The following ERC2 variants were observed in gnomAD, a reference collection of about 807,000 sequenced individuals.
ERC2 encodes the protein ERC protein 2.
In ERC2, 42 loss-of-function variants were observed where a neutral mutation model predicts 114.8. The ratio of observed to expected loss-of-function variants is 0.37; its 90% CI spans 0.29 to 0.47. The LOEUF is 0.47. Among genes scored for constraint, ERC2 ranks in the 20% least tolerant of loss-of-function variants. The pLI is 0.99. For synonymous variants in ERC2, 454 were observed against 425.5 expected (o/e 1.07, Z -0.82); for missense variants, 939 against 1,150.7 (o/e 0.82, Z 2.66).
At chr3:56,347,535 C>T (rs760031652) in intron 2 of ERC2, among the ~76,000 whole-genome samples, 5 of 152,018 alleles carry the variant, frequency 3.3e-5, no homozygotes, top group Non-Finnish European at 7.4e-5. Context: ...TCTGTGGCAG[C>T]TGCTGAATCC....
intron 14 of ERC2, among the ~76,000 whole-genome samples, chr3:55,743,026 C>A (rs944796490): frequency 6.6e-6 from 1 of 152,222 alleles, no homozygotes; most frequent in Non-Finnish European, 1.5e-5. Context: ...AAAGGCCAGG[C>A]TTTGGCAGCC....
rs997071774 is a variant in ERC2, at chr3:55,719,598, A to C, written c.2712+15173T>G. On this transcript the variant is annotated intron_variant, in intron 15 of 17. Coordinates refer to ENST00000288221, the MANE Select transcript of ERC2 (RefSeq NM_015576.3). ...TTTTTCATCCATACTTGCCAAAAGCACAAAGAGGCAACTGGGACATTTGCT... is the reference window on the plus strand; with the variant it reads ...TTTTTCATCCATACTTGCCAAAAGCCCAAAGAGGCAACTGGGACATTTGCT... Among the ~76,000 whole-genome samples, 39 of 152,326 alleles carry C rather than the reference A, an allele frequency of 2.6e-4. 1 individual carries two copies. The highest frequency in any genetic ancestry group is 9.4e-4 in the African/African-American group (39 of 41,572).
At chr3:56,128,414 A>G (rs2149880388) in intron 6 of ERC2, among the ~76,000 whole-genome samples, 1 of 152,360 alleles carries the variant, frequency 6.6e-6, no homozygotes, top group East Asian at 1.9e-4. Flanking sequence ...TGGAGATCCA[A>G]TAAAAAGCTT....
chr3:55,590,577 C>T (rs566624651), intron 17 of ERC2, among the ~76,000 whole-genome samples: 5 of 152,274 alleles, frequency 3.3e-5, no homozygotes, highest in Non-Finnish European at 5.9e-5. Flanking sequence ...TAAAACTACA[C>T]GAACTGACCT....
chr3:55,904,424 A>G (rs75394870), intron 13 of ERC2, among the ~76,000 whole-genome samples: 43 of 152,362 alleles, frequency 2.8e-4, no homozygotes, highest in African/African-American at 9.9e-4. Context: ...TGTGACTTCC[A>G]AACTAAATTT....
intron 17 of ERC2, among the ~76,000 whole-genome samples, chr3:55,523,523 T>G (rs569069584): frequency 1.3e-5 from 2 of 152,302 alleles, no homozygotes; most frequent in East Asian, 3.9e-4. Context: ...CTGACTTCCC[T>G]TCCTGGTCCA....
intron 13 of ERC2, among the ~76,000 whole-genome samples, chr3:55,932,152 C>G (rs763353517): frequency 1.3e-5 from 2 of 152,094 alleles, no homozygotes; most frequent in African/African-American, 2.4e-5. Flanking sequence ...TGAAGACAGA[C>G]AGTATGTCTA....
chr3:56,028,158 T>C (rs1410585068), intron 7 of ERC2, among the ~76,000 whole-genome samples: 2 of 152,160 alleles, frequency 1.3e-5, no homozygotes, highest in African/African-American at 4.8e-5. Flanking sequence ...CATTAATCTA[T>C]ATCTCTATCC....
At chr3:55,863,677 G>A (rs1379710) in intron 14 of ERC2, among the ~76,000 whole-genome samples, 23,777 of 151,786 alleles carry the variant, frequency 0.16, 2,740 homozygotes, top group African/African-American at 0.33. Flanking sequence ...TAGAAATACA[G>A]CACAAACCAG....
intron 7 of ERC2, among the ~76,000 whole-genome samples, chr3:56,058,640 A>C: frequency 6.6e-6 from 1 of 152,158 alleles, no homozygotes; most frequent in East Asian, 1.9e-4. Flanking sequence ...TCCAATCAAA[A>C]CAAATGGCTG....
At chr3:56,196,890 A>T (rs2048140533) in intron 3 of ERC2, among the ~76,000 whole-genome samples, 1 of 152,172 alleles carries the variant, frequency 6.6e-6, no homozygotes, top group South Asian at 2.1e-4. Flanking sequence ...CCAGACTCAC[A>T]TTAGAATCCC....
chr3:56,343,364 T>A (rs1451422733), intron 2 of ERC2, among the ~76,000 whole-genome samples: 2 of 151,954 alleles, frequency 1.3e-5, no homozygotes, highest in East Asian at 3.9e-4. Context: ...AAGCACTTAA[T>A]CGATAATTAT....
intron 15 of ERC2, among the ~76,000 whole-genome samples, chr3:55,733,827 G>T (rs1408432029): frequency 6.6e-6 from 1 of 152,184 alleles, no homozygotes; most frequent in African/African-American, 2.4e-5. Flanking sequence ...CACTCCACAT[G>T]GTTACTGTGT....
intron 14 of ERC2, among the ~76,000 whole-genome samples, chr3:55,836,511 C>A (rs1158593625): frequency 6.6e-6 from 1 of 152,186 alleles, no homozygotes; most frequent in Non-Finnish European, 1.5e-5. Flanking sequence ...GGAAAGGATT[C>A]TCTATTTAAT....
chr3:55,942,077 A>G (rs1329575042), intron 13 of ERC2, among the ~76,000 whole-genome samples: 1 of 152,248 alleles, frequency 6.6e-6, no homozygotes, highest in African/African-American at 2.4e-5. Flanking sequence ...TATCAAAGGT[A>G]GTCTTACCTT....
At chr3:55,845,515 A>AAAAAAT in intron 14 of ERC2, among the ~76,000 whole-genome samples, 1 of 151,230 alleles carries the variant, frequency 6.6e-6, no homozygotes, top group Non-Finnish European at 1.5e-5. Flanking sequence ...AAAAAAAAAA[A>AAAAAAT]AAAAAAAAAA....
intron 17 of ERC2, chr3:55,659,288 C>T (rs2231383): frequency 0.11 from 16,780 of 152,166 alleles, 1,148 homozygotes; most frequent in Non-Finnish European, 0.14. Context: ...ATTATAAGCC[C>T]GTGTTGCCTC....
chr3:55,668,724 A>G (rs2061447910), intron 17 of ERC2, among the ~76,000 whole-genome samples: 1 of 152,218 alleles, frequency 6.6e-6, no homozygotes, highest in Non-Finnish European at 1.5e-5. Context: ...TCTATACAGA[A>G]TTGATGGCAA....
At chr3:55,615,406 C>T (rs1006969635) in intron 17 of ERC2, among the ~76,000 whole-genome samples, 1 of 152,144 alleles carries the variant, frequency 6.6e-6, no homozygotes, top group African/African-American at 2.4e-5. Flanking sequence ...AGAGAAACTC[C>T]AAGCTCTCCA....
Sources: allele counts gnomAD v4.1 joint callset (sites outside exome capture counted in the v4.1 genomes callset), GRCh38; gene constraint gnomAD v4.1.1; transcripts MANE v1.5; gene names NCBI Gene and HGNC (gene_info 2026-07-23, HGNC 2026-07-21).